Variants in SMCO4 observed in about 807,000 individuals in gnomAD.
SMCO4 encodes the protein single-pass membrane and coiled-coil domain-containing protein 4.
Under a neutral mutation model 3.6 loss-of-function variants are expected in SMCO4, and 4 were observed. The ratio of observed to expected loss-of-function variants is 1.11; its 90% CI spans 0.54 to 2.53. SMCO4 has a LOEUF of 2.53. Among genes scored for constraint, SMCO4 ranks in the 30% most tolerant of loss-of-function variants. SMCO4 has a pLI of 0.02. For missense variants in SMCO4, 70 were observed against 80.8 expected, an observed-to-expected ratio of 0.87 and a Z score of 0.51; for synonymous variants, 36 against 35.3, an observed-to-expected ratio of 1.02 and a Z score of -0.07.
At chr11:93,479,798 C>T (rs1190280386) in intron 2 of SMCO4, among the ~76,000 whole-genome samples, 1 of 152,118 alleles carries the variant, frequency 6.6e-6, no homozygotes, top group East Asian at 1.9e-4. Context: ...GGTTCCTTGG[C>T]CCATTCATCC....
chr11:93,507,428 A>G (rs1347128645), intron 1 of SMCO4, among the ~76,000 whole-genome samples: 4 of 152,222 alleles, frequency 2.6e-5, no homozygotes, highest in African/African-American at 9.6e-5. Flanking sequence ...GAAAACCTGT[A>G]TCCAGTATTT....
chr11:93,519,561 A>G (rs973013106), intron 1 of SMCO4, among the ~76,000 whole-genome samples: 1 of 152,266 alleles, frequency 6.6e-6, no homozygotes, highest in South Asian at 2.1e-4. Context: ...ATCTTTTGCA[A>G]AAGTAGGGGC....
intron 2 of SMCO4, among the ~76,000 whole-genome samples, chr11:93,481,715 T>G (rs1948594736): frequency 6.6e-6 from 1 of 152,252 alleles, no homozygotes; most frequent in South Asian, 2.1e-4. Flanking sequence ...TGGCAGCCTA[T>G]TCTCTCCGAC....
chr11:93,525,425 G>C (rs1949097265), intron 1 of SMCO4, among the ~76,000 whole-genome samples: 1 of 152,086 alleles, frequency 6.6e-6, no homozygotes, highest in African/African-American at 2.4e-5. Context: ...AGCTAATATT[G>C]GGTAAAAATT....
intron 1 of SMCO4, among the ~76,000 whole-genome samples, chr11:93,509,518 G>A (rs1208825794): frequency 6.6e-6 from 1 of 152,154 alleles, no homozygotes; most frequent in Non-Finnish European, 1.5e-5. Flanking sequence ...ACTTGCACAT[G>A]CATGTTTACA....
At chr11:93,497,264 T>C (rs890939195) in intron 2 of SMCO4, among the ~76,000 whole-genome samples, 7 of 152,194 alleles carry the variant, frequency 4.6e-5, no homozygotes, top group African/African-American at 1.7e-4. Context: ...CTCTGCTGCC[T>C]TGACTGATAG....
intron 1 of SMCO4, among the ~76,000 whole-genome samples, chr11:93,536,801 A>G (rs73559546): frequency 0.1 from 15,167 of 152,154 alleles, 829 homozygotes; most frequent in South Asian, 0.12. Context: ...AAAAGCACCT[A>G]AACTGATTAA....
chr11:93,549,626 T>A, the SMCO4 span, among the ~76,000 whole-genome samples: 1 of 148,890 alleles, frequency 6.7e-6, no homozygotes. Flanking sequence ...TTTATTTATT[T>A]TTTTTTTTTT....
upstream of SMCO4, among the ~76,000 whole-genome samples, chr11:93,545,895 G>T (rs1034972397): frequency 6.6e-6 from 1 of 152,176 alleles, no homozygotes; most frequent in Non-Finnish European, 1.5e-5. Flanking sequence ...TCCTGAGACT[G>T]CCATGAAGAA....
At position 93,483,256 on chromosome 11, in the gene SMCO4, C is replaced by T. The variant is rs369639291; in HGVS notation, c.-80-3987G>A. Among the ~76,000 whole-genome samples, 6 of 152,192 alleles carry T rather than the reference C, an allele frequency of 3.9e-5. No homozygotes were observed. The South Asian group carries it at 1.2e-3, about 32-fold the overall frequency. On this transcript the variant is annotated intron_variant, in intron 2 of 2. Transcript: ENST00000298966. ...AATCACTTTTGGAGGGTGGAAAGGCCACCACAGAGCACTGTCCATGCCCGC... is the reference window on the plus strand; with the variant it reads ...AATCACTTTTGGAGGGTGGAAAGGCTACCACAGAGCACTGTCCATGCCCGC...
intron 2 of SMCO4, among the ~76,000 whole-genome samples, chr11:93,497,117 T>C (rs940970784): frequency 6.6e-6 from 1 of 152,228 alleles, no homozygotes; most frequent in Admixed American, 6.5e-5. Context: ...TTTTTTATTA[T>C]GATGGTTCTA....
chr11:93,512,698 C>T (rs1434372921), intron 1 of SMCO4, among the ~76,000 whole-genome samples: 1 of 152,100 alleles, frequency 6.6e-6, no homozygotes, highest in African/African-American at 2.4e-5. Context: ...TAGGCCATAC[C>T]ATCTAGGTTT....
At chr11:93,515,882 A>C (rs1185227098) in intron 1 of SMCO4, among the ~76,000 whole-genome samples, 2 of 152,126 alleles carry the variant, frequency 1.3e-5, no homozygotes, top group African/African-American at 4.8e-5. Context: ...CTGTCCAAAG[A>C]CACCTATCCA....
intron 1 of SMCO4, among the ~76,000 whole-genome samples, chr11:93,518,915 C>T (rs1239688487): frequency 1.3e-5 from 2 of 152,198 alleles, no homozygotes; most frequent in Non-Finnish European, 2.9e-5. Context: ...TGAATTCCCG[C>T]CCTGGTTCTC....
intron 1 of SMCO4, among the ~76,000 whole-genome samples, chr11:93,514,413 T>TATACATATACAC (rs1555077562): frequency 2.9e-5 from 1 of 33,950 alleles, no homozygotes; most frequent in Admixed American, 2.5e-4. Flanking sequence ...TATATATATA[T>TATACATATACAC]ATATATATAA....
At chr11:93,549,188 A>G in the SMCO4 span, among the ~76,000 whole-genome samples, 1 of 152,164 alleles carries the variant, frequency 6.6e-6, no homozygotes, top group Admixed American at 6.5e-5. Context: ...GGTGTCCCCA[A>G]CACTCTTCCA....
intron 1 of SMCO4, among the ~76,000 whole-genome samples, chr11:93,520,093 C>T (rs1356111460): frequency 2.0e-5 from 3 of 152,190 alleles, no homozygotes; most frequent in East Asian, 3.8e-4. Flanking sequence ...CGGATGGCAT[C>T]GCTCAGGCCT....
At chr11:93,521,004 T>C (rs560489590) in intron 1 of SMCO4, among the ~76,000 whole-genome samples, 68 of 152,366 alleles carry the variant, frequency 4.5e-4, no homozygotes, top group African/African-American at 1.5e-3. Context: ...TATACATTGC[T>C]ATATTCAGTT....
At chr11:93,495,900 G>A (rs1052256948) in intron 2 of SMCO4, among the ~76,000 whole-genome samples, 1 of 152,116 alleles carries the variant, frequency 6.6e-6, no homozygotes, top group African/African-American at 2.4e-5. Context: ...TATTGCGTTT[G>A]GAAAATTGAA....
Sources: gnomAD v4.1 joint callset for allele counts (sites outside exome capture counted in the v4.1 genomes callset) on GRCh38, gnomAD v4.1.1 for gene constraint, MANE v1.5 for transcripts, NCBI Gene and HGNC (gene_info 2026-07-23, HGNC 2026-07-21) for gene names.